The following USP3 variants were observed in gnomAD, a reference collection of about 807,000 sequenced individuals.
The protein encoded by USP3 is ubiquitin specific peptidase 3.
In USP3, 20 loss-of-function variants were observed where a neutral mutation model predicts 72.3. The ratio of observed to expected loss-of-function variants is 0.28; its 90% CI spans 0.19 to 0.40. The LOEUF is 0.40. USP3 is among the 10% of genes least tolerant of loss of function. USP3 has a pLI of 1.00. For synonymous variants in USP3, 222 were observed against 225.3 expected (o/e 0.99, Z 0.13); for missense variants, 479 against 633.9 (o/e 0.76, Z 2.62).
At position 63,570,525 on chromosome 15, in the gene USP3, GC is replaced by G; in HGVS notation, c.855del (p.Ser286GlnfsTer18). 1 of 1,614,132 alleles carries G rather than the reference GC, an allele frequency of 6.2e-7. No homozygotes were observed. Among genetic ancestry groups the G allele is most frequent in the Non-Finnish European group, 8.5e-7 (1 of 1,179,992 alleles). The part of the protein sequence containing the change: ...ELQGGFNGVS[R>X]SAILQENSTL... ...CAGGGCGGTTTCAACGGTGTTTCCC[GC>G]TCAGCAATTCTGCAGGAGAATTCTA... On this transcript the variant is annotated frameshift_variant, in exon 9 of 15. Transcript: ENST00000380324. LOFTEE classifies it high-confidence loss of function. The surrounding 1 kb of genome is among the most constrained non-coding windows in gnomAD (Gnocchi z 4.4).
At chr15:63,550,983 G>A (rs78075625) in intron 3 of USP3, among the ~76,000 whole-genome samples, 3,532 of 152,032 alleles carry the variant, frequency 0.023, 129 homozygotes, top group African/African-American at 0.08. Flanking sequence ...AGAATACCCT[G>A]GCTGTATTTT....
chr15:63,587,686 A>G (rs1351518944), intron 11 of USP3: 1 of 152,290 alleles, frequency 6.6e-6, no homozygotes, highest in Non-Finnish European at 1.5e-5. Flanking sequence ...CAGCCAGACA[A>G]TAATGTAAAC....
At chr15:63,577,350 G>A (rs1007412188) in intron 11 of USP3, among the ~76,000 whole-genome samples, 21 of 152,228 alleles carry the variant, frequency 1.4e-4, no homozygotes, top group African/African-American at 4.8e-4. Context: ...CAAATGCCTA[G>A]GCACAGTGGC....
chr15:63,570,240 C>G lies in USP3; in HGVS notation c.762-193C>G, dbSNP rs2066757338. 6.6e-6 allele frequency among the ~76,000 whole-genome samples: 1 copy of G among 152,234 alleles called. No homozygotes were observed. The highest frequency in any genetic ancestry group is 1.5e-5 in the Non-Finnish European group (1 of 68,046). On this transcript the variant is annotated intron_variant, in intron 8 of 14. Transcript: ENST00000380324. The surrounding 1 kb of genome is among the most constrained non-coding windows in gnomAD (Gnocchi z 4.4). ...AATATTTTTTGGTTTTCAAACCTATCTTAAACAGTAGAATTCATTCTTGAA... is the reference window on the plus strand; with the variant it reads ...AATATTTTTTGGTTTTCAAACCTATGTTAAACAGTAGAATTCATTCTTGAA...
intron 11 of USP3, among the ~76,000 whole-genome samples, chr15:63,583,255 CAG>C (rs1288455442): frequency 1.3e-5 from 2 of 152,114 alleles, no homozygotes; most frequent in African/African-American, 4.8e-5. Context: ...GACAGTATTT[CAG>C]AGTCATACTC....
intron 11 of USP3, among the ~76,000 whole-genome samples, chr15:63,584,437 G>T (rs1219724302): frequency 6.6e-6 from 1 of 152,058 alleles, no homozygotes; most frequent in African/African-American, 2.4e-5. Context: ...TAGCTAACAC[G>T]TTATTTTCTG....
At chr15:63,522,711 G>A (rs2065935684) in intron 1 of USP3, among the ~76,000 whole-genome samples, 1 of 152,128 alleles carries the variant, frequency 6.6e-6, no homozygotes, top group Admixed American at 6.5e-5. Flanking sequence ...TAAGTGACTT[G>A]GCTTGTAACC....
intron 3 of USP3, among the ~76,000 whole-genome samples, chr15:63,545,068 A>AT (rs1174654833): frequency 1.8e-5 from 2 of 113,498 alleles, no homozygotes; most frequent in Admixed American, 1.7e-4. Flanking sequence ...GAAGTTAGAA[A>AT]TAAATCAAAA....
At position 63,592,023 on chromosome 15, in the gene USP3, T is replaced by C. The variant is rs368433457; in HGVS notation, c.*1197T>C. The C allele has an allele frequency of 1.3e-5, 2 of 152,040 alleles. No individual in the cohort carries two copies. The highest frequency in any genetic ancestry group is 3.9e-4 in the East Asian group (2 of 5,162). The allele number at this position is 152,040 out of a possible 1,614,324, so 9.4% of individuals were successfully genotyped here. ...TCGGCCTCCCGAGTAGCAATTCTCC[T>C]GCCTCAACCTCCTGAGTAGCTGGGA... is the stretch of plus-strand genomic sequence containing the variant. On this transcript the variant is annotated 3_prime_UTR_variant, in exon 15 of 15. Transcript: ENST00000380324.
chr15:63,541,556 A>T (rs61300710), intron 3 of USP3, among the ~76,000 whole-genome samples: 7,289 of 152,196 alleles, frequency 0.048, 192 homozygotes, highest in Middle Eastern at 0.099. Flanking sequence ...CCTTAAGATA[A>T]GCTGGTACTT....
chr15:63,533,436 A>G (rs1176968545), intron 2 of USP3, among the ~76,000 whole-genome samples: 1 of 152,138 alleles, frequency 6.6e-6, no homozygotes, highest in Non-Finnish European at 1.5e-5. Flanking sequence ...CTCTTCTAGC[A>G]CAAACTCAAG....
At chr15:63,531,884 TC>T (rs2066081474) in intron 1 of USP3, among the ~76,000 whole-genome samples, 2 of 152,162 alleles carry the variant, frequency 1.3e-5, no homozygotes, top group Non-Finnish European at 2.9e-5. Context: ...TGTACTTCCT[TC>T]CCCACGCCAA....
At chr15:63,515,860 T>A (rs560378080) in intron 1 of USP3, among the ~76,000 whole-genome samples, 1 of 152,310 alleles carries the variant, frequency 6.6e-6, no homozygotes, top group African/African-American at 2.4e-5. Context: ...CCACTCTCAG[T>A]CCTGCTGTCC....
intron 4 of USP3, among the ~76,000 whole-genome samples, chr15:63,554,916 A>G (rs537291319): frequency 7.9e-5 from 12 of 152,236 alleles, no homozygotes; most frequent in Non-Finnish European, 1.8e-4. Context: ...AGACAGATAC[A>G]CACAGATCCA....
chr15:63,516,837 G>A (rs1314981101), intron 1 of USP3, among the ~76,000 whole-genome samples: 2 of 150,984 alleles, frequency 1.3e-5, no homozygotes, highest in East Asian at 3.9e-4. Context: ...TTTATGTATA[G>A]GTTCACATCC....
intron 8 of USP3, among the ~76,000 whole-genome samples, chr15:63,567,128 G>C (rs947980404): frequency 2.0e-5 from 3 of 152,148 alleles, no homozygotes; most frequent in Admixed American, 2.0e-4. Flanking sequence ...TATATTCTGG[G>C]ATGTTAATTT....
chr15:63,520,626 C>T (rs917463597), intron 1 of USP3, among the ~76,000 whole-genome samples: 7 of 124,964 alleles, frequency 5.6e-5, no homozygotes, highest in African/African-American at 2.2e-4. Context: ...TGCAATGATG[C>T]AATCTCGGCT....
At position 63,591,802 on chromosome 15, in the gene USP3, A is replaced by G. The variant is rs2067205980; in HGVS notation, c.*976A>G. ...TCACTGGGGGGTGTGCTTCCACAGG[A>G]GGAAATTTAGAATCTTCGCTGCTCT... is the stretch of plus-strand genomic sequence containing the variant. On this transcript the variant is annotated 3_prime_UTR_variant, in exon 15 of 15. Transcript: ENST00000380324. 6.6e-6 allele frequency: 1 copy of G among 152,234 alleles called. No individual in the cohort carries two copies. The highest frequency in any genetic ancestry group is 6.5e-5 in the Admixed American group (1 of 15,286). The allele number at this position is 152,234 out of a possible 1,614,324, so 9.4% of individuals were successfully genotyped here.
chr15:63,507,552 A>G (rs529865286), intron 1 of USP3, among the ~76,000 whole-genome samples: 1 of 152,344 alleles, frequency 6.6e-6, no homozygotes, highest in East Asian at 1.9e-4. Context: ...GAATAATTAA[A>G]TATCCAAAGC....
Sources: allele counts gnomAD v4.1 joint callset (sites outside exome capture counted in the v4.1 genomes callset), GRCh38; gene constraint gnomAD v4.1.1; non-coding constraint Gnocchi (gnomAD v3.1); transcripts MANE v1.5; gene names NCBI Gene and HGNC (gene_info 2026-07-23, HGNC 2026-07-21).